CD247: variants seen among roughly 807,000 people sequenced by gnomAD.
CD247 encodes the protein CD247 molecule.
Under a neutral mutation model 30.0 loss-of-function variants are expected in CD247, and 13 were observed. That is an observed-to-expected ratio of 0.43 (90% CI 0.28 to 0.69). The LOEUF (loss-of-function observed/expected upper bound fraction) is 0.69. Among genes scored for constraint, CD247 ranks in the 30% least tolerant of loss-of-function variants. The pLI, the probability that CD247 is intolerant of heterozygous loss-of-function variation, is 0.16. For missense variants in CD247, 193 were observed against 212.6 expected (o/e 0.91, Z 0.57); for synonymous variants, 72 against 80.0 (o/e 0.90, Z 0.53).
chr1:167,500,298 T>C (rs984972330), intron 1 of CD247, among the ~76,000 whole-genome samples: 2 of 152,278 alleles, frequency 1.3e-5, no homozygotes, highest in Non-Finnish European at 2.9e-5. Context: ...TTTATTGTCC[T>C]ACAGTAATTC....
At chr1:167,432,983 G>A (rs1651347129) in intron 7 of CD247, 41 bp downstream of exon 7, 2 of 1,610,682 alleles carry the variant, frequency 1.2e-6, no homozygotes, top group African/African-American at 1.3e-5. Flanking sequence ...CCCCTTGTCA[G>A]GTGGTGCCCC....
chr1:167,432,751 G>A (rs1651331928), intron 7 of CD247, among the ~76,000 whole-genome samples: 1 of 152,248 alleles, frequency 6.6e-6, no homozygotes, highest in South Asian at 2.1e-4. Context: ...TCGGCGGGGA[G>A]GCTGCGTACC....
intron 1 of CD247, among the ~76,000 whole-genome samples, chr1:167,454,292 G>A (rs538615730): frequency 6.6e-6 from 1 of 152,368 alleles, no homozygotes; most frequent in Non-Finnish European, 1.5e-5. Flanking sequence ...AGCCACGGGA[G>A]GGGGAGGCTG....
intron 1 of CD247, among the ~76,000 whole-genome samples, chr1:167,460,154 C>A (rs2102028620): frequency 6.6e-6 from 1 of 152,294 alleles, no homozygotes; most frequent in East Asian, 1.9e-4. Context: ...GTAATCCCAG[C>A]ACTTTGGGAG....
At chr1:167,440,186 C>A (rs1282911647) in intron 2 of CD247, 1 of 204,816 alleles carries the variant, frequency 4.9e-6, no homozygotes, top group Admixed American at 5.3e-5. Context: ...TAAATTCTTC[C>A]AATCTCTGCC....
intron 1 of CD247, among the ~76,000 whole-genome samples, chr1:167,441,042 G>A (rs995395592): frequency 1.7e-4 from 26 of 152,200 alleles, no homozygotes; most frequent in African/African-American, 6.3e-4. Flanking sequence ...AGCAGATGAG[G>A]CTGTTCTCTG....
At chr1:167,497,651 G>T (rs1297035254) in intron 1 of CD247, among the ~76,000 whole-genome samples, 1 of 152,170 alleles carries the variant, frequency 6.6e-6, no homozygotes, top group African/African-American at 2.4e-5. Context: ...ATGCATCCTG[G>T]CACAACAGAA....
chr1:167,439,806 A>C (rs1651735021), intron 2 of CD247: 1 of 258,144 alleles, frequency 3.9e-6, no homozygotes, highest in South Asian at 4.6e-5. Flanking sequence ...CCCGCCTCCT[A>C]TCTTGACCCC....
rs186331783 is a variant in CD247, at chr1:167,433,902, G to A, written c.393+118C>T. 6.3e-6 allele frequency: 6 copies of A among 950,286 alleles called. No individual in the cohort carries two copies. In the East Asian group the frequency reaches 1.2e-4, roughly 19 times the overall value. The allele number at this position is 950,286 out of a possible 1,614,324, so 58.9% of individuals were successfully genotyped here. A position where few individuals can be genotyped will look rare whatever the true frequency, so the allele number is the denominator to read the frequency against. On this transcript the variant is annotated intron_variant, in intron 6 of 7. Transcript: ENST00000362089. ...GCCAGGTTCGCCTTCACCTCTGATG[G>A]CCACCACATGGGCATTTGCAGCTGG...
intron 1 of CD247, among the ~76,000 whole-genome samples, chr1:167,493,037 CT>C (rs60850667): frequency 5.3e-3 from 429 of 80,314 alleles, no homozygotes; most frequent in African/African-American, 0.016. Context: ...AATTTTTCTC[CT>C]TTTTTTTTTT....
chr1:167,474,125 A>G (rs1481097251), intron 1 of CD247, among the ~76,000 whole-genome samples: 2 of 152,110 alleles, frequency 1.3e-5, no homozygotes, highest in Non-Finnish European at 2.9e-5. Context: ...TTTCATTCGC[A>G]AGAGAAATCT....
rs1336009395 is a variant in CD247 at position 167,433,887 on chromosome 1, C to T, written c.393+133G>A. On this transcript the variant is annotated intron_variant, in intron 6 of 7. Transcript: ENST00000362089. ...CCCGGCTGGGTGACAGCCAGGTTCG[C>T]CTTCACCTCTGATGGCCACCACATG... The T allele has an allele frequency of 1.2e-5, 10 of 853,448 alleles. No homozygotes were observed. In the East Asian group the frequency reaches 2.2e-4, roughly 19 times the overall value. 52.9% of individuals were successfully genotyped at this position (853,448 alleles called of 1,614,324 possible). A position where few individuals can be genotyped will look rare whatever the true frequency, so the allele number is the denominator to read the frequency against.
rs987812489 is a variant in CD247, at chr1:167,430,656, C to T, written c.*1025G>A. On this transcript the variant is annotated 3_prime_UTR_variant, in exon 8 of 8. Coordinates refer to ENST00000362089, the MANE Select transcript of CD247 (RefSeq NM_198053.3). ...TAGTAAAGCTGCATTTTCACTGAAG[C>T]ATTTATTATGCAAAATAGGAAGGCT... 9 of 398,484 alleles carry T rather than the reference C, an allele frequency of 2.3e-5. No homozygotes were observed. Among genetic ancestry groups the T allele is most frequent in the African/African-American group, 1.6e-4 (8 of 48,608 alleles). The allele number at this position is 398,484 out of a possible 1,614,324, so 24.7% of individuals were successfully genotyped here.
intron 1 of CD247, among the ~76,000 whole-genome samples, chr1:167,507,123 T>A (rs1489643198): frequency 6.6e-6 from 1 of 152,192 alleles, no homozygotes; most frequent in Non-Finnish European, 1.5e-5. Flanking sequence ...TTTGCCATGT[T>A]GGCCAGGTTG....
Position 167,470,504 on chromosome 1 carries a change from TAAAAAA to T in CD247, c.59-29743_59-29738del, listed in dbSNP as rs55679205. Reference sequence around the variant, plus strand: ...CTTACAGAAGTAAAAATGTTAATTGTAAAAAAAAAAAAAAAAAAAAAAAGAAACAAG... The same window carrying T: ...CTTACAGAAGTAAAAATGTTAATTGTAAAAAAAAAAAAAAAAAGAAACAAG... On this transcript the variant is annotated intron_variant, in intron 1 of 7. Coordinates refer to ENST00000362089, the MANE Select transcript of CD247 (RefSeq NM_198053.3). Among the ~76,000 whole-genome samples the T allele has an allele frequency of 1.3e-4, 16 of 122,496 alleles. 1 individual carries two copies. The highest frequency in any genetic ancestry group is 6.5e-5 in the Non-Finnish European group (4 of 61,622). The allele number at this position is 122,496 out of a possible 152,430, so 80.4% of individuals were successfully genotyped here.
chr1:167,453,077 T>A (rs551595518), intron 1 of CD247, among the ~76,000 whole-genome samples: 1 of 150,430 alleles, frequency 6.6e-6, no homozygotes, highest in Non-Finnish European at 1.5e-5. Context: ...GAAAGACACT[T>A]ATTCTTACCT....
At chr1:167,490,164 C>T (rs963321442) in intron 1 of CD247, among the ~76,000 whole-genome samples, 9 of 152,184 alleles carry the variant, frequency 5.9e-5, no homozygotes, top group Admixed American at 5.9e-4. Flanking sequence ...GCGGAAAGAT[C>T]GGGTGCATTT....
intron 1 of CD247, among the ~76,000 whole-genome samples, chr1:167,512,764 C>G (rs545992235): frequency 6.6e-6 from 1 of 152,310 alleles, no homozygotes. Flanking sequence ...CGTGAAGAGG[C>G]ACCATTGCCG....
chr1:167,451,533 C>G (rs1652352215), intron 1 of CD247, among the ~76,000 whole-genome samples: 1 of 152,208 alleles, frequency 6.6e-6, no homozygotes, highest in African/African-American at 2.4e-5. Context: ...GCTCTTCCTA[C>G]TCTTGCCCCA....
Sources: gnomAD v4.1 joint callset for allele counts (sites outside exome capture counted in the v4.1 genomes callset) on GRCh38, gnomAD v4.1.1 for gene constraint, MANE v1.5 for transcripts, NCBI Gene and HGNC (gene_info 2026-07-23, HGNC 2026-07-21) for gene names.